The following ATP2A3 variants were observed in gnomAD, a reference collection of about 807,000 sequenced individuals.
The protein encoded by ATP2A3 is ATPase sarcoplasmic/endoplasmic reticulum Ca2+ transporting 3, also known as sarcoplasmic/endoplasmic reticulum calcium ATPase 3.
Under a neutral mutation model 106.8 loss-of-function variants are expected in ATP2A3, and 61 were observed. That is an observed-to-expected ratio of 0.57 (90% CI 0.46 to 0.71). The LOEUF is 0.71. ATP2A3 is among the 30% of genes least tolerant of loss of function. ATP2A3 has a pLI of 0.00. For synonymous variants in ATP2A3, 611 were observed against 609.3 expected, an observed-to-expected ratio of 1.00 and a Z score of -0.04; for missense variants, 1,201 against 1,423.5, an observed-to-expected ratio of 0.84 and a Z score of 2.52.
At chr17:3,956,102 G>A (rs540868869) in intron 1 of ATP2A3, among the ~76,000 whole-genome samples, 29 of 152,004 alleles carry the variant, frequency 1.9e-4, no homozygotes, top group African/African-American at 6.3e-4. Context: ...GGCTGGTCTC[G>A]AACTCCTGAC....
chr17:3,960,623 C>G (rs2055084469), intron 1 of ATP2A3, among the ~76,000 whole-genome samples: 1 of 152,212 alleles, frequency 6.6e-6, no homozygotes, highest in Admixed American at 6.5e-5. Flanking sequence ...TTGGTGGCTC[C>G]TTAACATATG....
chr17:3,925,821 A>C lies in ATP2A3; in HGVS notation c.2981-380T>G, dbSNP rs12451658. Among the ~76,000 whole-genome samples the C allele has an allele frequency of 6.6e-6, 1 of 151,680 alleles. No individual in the cohort carries two copies. Among genetic ancestry groups the C allele is most frequent in the Non-Finnish European group, 1.5e-5 (1 of 67,918 alleles). On this transcript the variant is annotated intron_variant, in intron 20 of 20. Transcript: ENST00000397041. This position sits in a 1 kb window ranked among gnomAD's most constrained non-coding sequence, Gnocchi z 4.2. Reference sequence around the variant, plus strand: ...GATTTCACCCAAATTGCGAGAGCTCATCTCTCCCACTGCCTTCCCCAACCA... The same window carrying C: ...GATTTCACCCAAATTGCGAGAGCTCCTCTCTCCCACTGCCTTCCCCAACCA...
chr17:3,930,780 A>G lies in ATP2A3; in HGVS notation c.2611-346T>C. The G allele has an allele frequency of 2.5e-6, 1 of 400,274 alleles. No individual in the cohort carries two copies. The highest frequency in any genetic ancestry group is 2.1e-5 in the South Asian group (1 of 47,822). 24.8% of individuals were successfully genotyped at this position (400,274 alleles called of 1,614,324 possible). A position where few individuals can be genotyped will look rare whatever the true frequency, so the allele number is the denominator to read the frequency against. ...AATGCATGTGAAAATCAACCAACAA[A>G]ACCATGCGGGAGTGGAATTCACCTT... On this transcript the variant is annotated intron_variant, in intron 17 of 20. Transcript: ENST00000397041. The surrounding 1 kb of genome is among the most constrained non-coding windows in gnomAD (Gnocchi z 5.4).
chr17:3,959,802 G>C (rs1327774663), intron 1 of ATP2A3, among the ~76,000 whole-genome samples: 1 of 152,248 alleles, frequency 6.6e-6, no homozygotes, highest in African/African-American at 2.4e-5. Context: ...CCACTGCGGG[G>C]CCTTGGAAGT....
rs1432865973 is a variant in ATP2A3 at position 3,928,218 on chromosome 17, A to C, written c.2980+445T>G. ...CAACCCTCCCCTTGACCCACCCACAAGGTGATACCAAAGAGGCCAACCCGG... is the reference window on the plus strand; with the variant it reads ...CAACCCTCCCCTTGACCCACCCACACGGTGATACCAAAGAGGCCAACCCGG... On this transcript the variant is annotated intron_variant, in intron 20 of 20. Coordinates refer to ENST00000397041, the MANE Select transcript of ATP2A3 (RefSeq NM_005173.4). This position sits in a 1 kb window ranked among gnomAD's most constrained non-coding sequence, Gnocchi z 6.1. 6.2e-7 allele frequency: 1 copy of C among 1,613,234 alleles called. No individual in the cohort carries two copies. The highest frequency in any genetic ancestry group is 1.3e-5 in the African/African-American group (1 of 74,898).
Position 3,928,641 on chromosome 17 carries a change from C to A in ATP2A3, c.2980+22G>T. On this transcript the variant is annotated intron_variant, in intron 20 of 20. Coordinates refer to ENST00000397041, the MANE Select transcript of ATP2A3 (RefSeq NM_005173.4). The surrounding 1 kb of genome is among the most constrained non-coding windows in gnomAD (Gnocchi z 6.1). The stretch of plus-strand genomic sequence containing the variant: ...GGCGGGCGGGGAGGCAGGCTGGAGG[C>A]GGGACGGGGCCTCCCACTCACCGTG... 2 of 1,537,392 alleles carry A rather than the reference C, an allele frequency of 1.3e-6. No homozygotes were observed. Among genetic ancestry groups the A allele is most frequent in the Non-Finnish European group, 1.8e-6 (2 of 1,135,302 alleles).
At chr17:3,944,094 G>T (rs1264070445) in intron 10 of ATP2A3, among the ~76,000 whole-genome samples, 1 of 152,096 alleles carries the variant, frequency 6.6e-6, no homozygotes, top group Non-Finnish European at 1.5e-5. Context: ...CTCCAGCCAG[G>T]GCTCAGCCCG....
chr17:3,928,647 G>T lies in ATP2A3; in HGVS notation c.2980+16C>A. 1 of 1,543,172 alleles carries T rather than the reference G, an allele frequency of 6.5e-7. No homozygotes were observed. The highest frequency in any genetic ancestry group is 1.2e-5 in the South Asian group (1 of 83,858). On this transcript the variant is annotated intron_variant, in intron 20 of 20. Transcript: ENST00000397041. The surrounding 1 kb of genome is among the most constrained non-coding windows in gnomAD (Gnocchi z 6.1). ...CGGGGAGGCAGGCTGGAGGCGGGAC[G>T]GGGCCTCCCACTCACCGTGCATGTG...
At chr17:3,954,433 C>A (rs1167819260) in intron 1 of ATP2A3, among the ~76,000 whole-genome samples, 1 of 151,654 alleles carries the variant, frequency 6.6e-6, no homozygotes, top group Non-Finnish European at 1.5e-5. Context: ...AGTCGCCCCC[C>A]ACACAACATG....
At position 3,945,138 on chromosome 17, in the gene ATP2A3, A is replaced by G. The variant is rs1439359178; in HGVS notation, c.1106T>C (p.Val369Ala). 2 of 1,547,576 alleles carry G rather than the reference A, an allele frequency of 1.3e-6. No homozygotes were observed. Among genetic ancestry groups the G allele is most frequent in the Non-Finnish European group, 1.7e-6 (2 of 1,145,724 alleles). The change falls in exon 9 of 21, where the codon GTA (valine) becomes GCA (alanine). Residue 369 changes from valine (V) to alanine (A), a missense_variant. Around this residue, in one of 2 missense-constraint regions of ATP2A3, gnomAD observed 935 missense variants for 1,176.7 expected, o/e 0.79. Transcript: ENST00000397041. ...NQMSVCRMFVVAEADAGSCLL... is the reference protein window; with the variant it reads ...NQMSVCRMFVAAEADAGSCLL... ...GCAGGAGCCCGCATCGGCCTCGGCTACCACGAACATCTGGGGAGCGCAGGG... is the reference window on the plus strand; with the variant it reads ...GCAGGAGCCCGCATCGGCCTCGGCTGCCACGAACATCTGGGGAGCGCAGGG...
chr17:3,946,242 CAAA>C (rs35377738), intron 8 of ATP2A3, among the ~76,000 whole-genome samples: 24,676 of 109,126 alleles, frequency 0.23, 2,222 homozygotes, highest in Middle Eastern at 0.38. Context: ...GACTCCATCT[CAAA>C]AAAAAAAAAA....
chr17:3,936,326 C>T lies in ATP2A3; in HGVS notation c.2465G>A (p.Arg822Gln), dbSNP rs1158996937. 1.1e-5 allele frequency: 17 copies of T among 1,613,950 alleles called. No homozygotes were observed. Among genetic ancestry groups the T allele is most frequent in the East Asian group, 2.2e-5 (1 of 44,898 alleles). The change falls in exon 16 of 21, where the codon CGG becomes CAG. Residue 822 changes from arginine (R) to glutamine (Q), a missense_variant. Physicochemically the swap from Arg to Gln is conservative, Grantham distance 43. This residue lies in a region of ATP2A3 where 935 missense variants were observed against 1,176.7 expected (regional missense o/e 0.79). Coordinates refer to ENST00000397041, the MANE Select transcript of ATP2A3 (RefSeq NM_005173.4). This position sits in a 1 kb window ranked among gnomAD's most constrained non-coding sequence, Gnocchi z 5.4. Reference sequence around the variant, plus strand: ...ACTGATGAGGGCTTCTCGGGGGCTCCGGGGCAGCTTCTCCATGATGTCCAG... The same window carrying T: ...ACTGATGAGGGCTTCTCGGGGGCTCTGGGGCAGCTTCTCCATGATGTCCAG... ...PDLDIMEKLP[R>Q]SPREALISGW...
rs71381543 is a variant in ATP2A3, at chr17:3,939,786, TAA to T, written c.2100+1183_2100+1184del. ...CTGGGTGACAGAGCGAGACTCTGTC[TAA>T]AAAAAAAAAAAAAAAAAAAAAAAAG... On this transcript the variant is annotated intron_variant, in intron 14 of 20. Coordinates refer to ENST00000397041, the MANE Select transcript of ATP2A3 (RefSeq NM_005173.4). Among the ~76,000 whole-genome samples the T allele has an allele frequency of 7.1e-3, 357 of 50,516 alleles. 10 individuals carry two copies. In the East Asian group the frequency reaches 0.12, roughly 17 times the overall value. The allele number at this position is 50,516 out of a possible 152,430, so 33.1% of individuals were successfully genotyped here. A position where few individuals can be genotyped will look rare whatever the true frequency, so the allele number is the denominator to read the frequency against.
rs1330333751 is a variant in ATP2A3 at position 3,943,397 on chromosome 17, A to G, written c.1413T>C (p.Cys471=). 1 of 1,613,704 alleles carries G rather than the reference A, an allele frequency of 6.2e-7. No individual in the cohort carries two copies. The highest frequency in any genetic ancestry group is 1.3e-5 in the African/African-American group (1 of 74,976). The part of the protein sequence containing the change: ...ALSRVERAGA[C]NTVIKQLMRK... ...AGCCCCCAGCCCTGCTCACCGTGTT[A>G]CAGGCGCCAGCTCGCTCCACCCGGG... is the stretch of plus-strand genomic sequence containing the variant. Residue 471 remains cysteine (C), a synonymous_variant, in exon 11 of 21, where the codon TGT becomes TGC. Transcript: ENST00000397041.
intron 1 of ATP2A3, among the ~76,000 whole-genome samples, chr17:3,962,177 G>A (rs997937511): frequency 5.9e-5 from 9 of 152,178 alleles, no homozygotes; most frequent in African/African-American, 2.2e-4. Flanking sequence ...CCAGGGTTCT[G>A]CATCCTGCAG....
Position 3,926,892 on chromosome 17 carries a change from T to C in ATP2A3, c.2981-1451A>G. On this transcript the variant is annotated intron_variant, in intron 20 of 20. Coordinates refer to ENST00000397041, the MANE Select transcript of ATP2A3 (RefSeq NM_005173.4). The surrounding 1 kb of genome is among the most constrained non-coding windows in gnomAD (Gnocchi z 4.6). ...CCCGTTAGTCTCACCCCCTCTTGCC[T>C]GTCCTCCATGGTTGACACAGTCCGC... 3.0e-6 allele frequency: 3 copies of C among 985,462 alleles called. No homozygotes were observed. The highest frequency in any genetic ancestry group is 3.6e-6 in the Non-Finnish European group (3 of 829,932). 61.0% of individuals were successfully genotyped at this position (985,462 alleles called of 1,614,324 possible). A position where few individuals can be genotyped will look rare whatever the true frequency, so the allele number is the denominator to read the frequency against.
intron 3 of ATP2A3, among the ~76,000 whole-genome samples, chr17:3,952,491 A>G (rs1264580783): frequency 6.6e-6 from 1 of 152,180 alleles, no homozygotes; most frequent in Admixed American, 6.5e-5. Context: ...TCAGACCCCA[A>G]AATCCATGTG....
At chr17:3,935,491 G>C (rs1044676997) in intron 16 of ATP2A3, among the ~76,000 whole-genome samples, 1 of 151,502 alleles carries the variant, frequency 6.6e-6, no homozygotes, top group East Asian at 1.9e-4. Context: ...TTGGAGATGA[G>C]CAGGTGAACC....
In ATP2A3 at chr17:3,937,561, C is replaced by T. The variant is rs1332436500; in HGVS notation, c.2176G>A (p.Val726Met). The T allele has an allele frequency of 3.1e-6, 5 of 1,614,014 alleles. No individual in the cohort carries two copies. Among genetic ancestry groups the T allele is most frequent in the East Asian group, 2.2e-5 (1 of 44,890 alleles). ...IGIAMGSGTA[V>M]AKSAAEMVLS... ...ACCATCTCTGCCGCCGACTTGGCCA[C>T]GGCCGTGCCTGAGCCCATGGCGATG... Residue 726 changes from valine to methionine, a missense_variant, in exon 15 of 21, where the codon GTG becomes ATG. This residue lies in a region of ATP2A3 where 935 missense variants were observed against 1,176.7 expected (regional missense o/e 0.79). Transcript: ENST00000397041.
Sources: gnomAD v4.1 joint callset for allele counts (sites outside exome capture counted in the v4.1 genomes callset) on GRCh38, gnomAD v4.1.1 for gene constraint, gnomAD v4.1.1 regional missense constraint, Gnocchi (gnomAD v3.1) non-coding constraint, MANE v1.5 for transcripts, NCBI Gene and HGNC (gene_info 2026-07-23, HGNC 2026-07-21) for gene names.